SRPX2: variants seen among roughly 807,000 people sequenced by gnomAD.
SRPX2 encodes the protein sushi repeat containing protein X-linked 2.
Under a neutral mutation model 45.3 loss-of-function variants are expected in SRPX2, and 26 were observed. The ratio of observed to expected loss-of-function variants is 0.57; its 90% confidence interval spans 0.42 to 0.80. The LOEUF is 0.80. Ranked by LOEUF, SRPX2 falls within the 30% of genes least tolerant of loss-of-function variation. The pLI, the probability that SRPX2 is intolerant of heterozygous loss-of-function variation, is 0.00. For missense variants in SRPX2, 355 were observed against 399.8 expected (o/e 0.89, Z 0.95); for synonymous variants, 125 against 143.7 (o/e 0.87, Z 0.93).
intron 3 of SRPX2, among the ~76,000 whole-genome samples, chrX:100,651,788 C>CA (rs11362148): frequency 0.4 from 23,921 of 59,367 alleles, 4,109 homozygotes; most frequent in East Asian, 0.63. Context: ...GGCTCTGTCT[C>CA]AAAAAAAAAA....
intron 3 of SRPX2, among the ~76,000 whole-genome samples, chrX:100,653,957 A>G (rs1268540970): frequency 8.9e-6 from 1 of 112,121 alleles, no homozygotes; most frequent in Non-Finnish European, 1.9e-5. Context: ...TTTTAACTGT[A>G]TTTGTGTATT....
Position 100,672,865 on chromosome X carries a change from CAGAG to C in SRPX2, c.*1882_*1885del, listed in dbSNP as rs1245516840. Reference sequence around the variant, plus strand: ...AGAACAAATTGGGGGAGCAGTGAGTCAGAGAGAATCTCCTTCCACTGGGATTTTA... The same window carrying C: ...AGAACAAATTGGGGGAGCAGTGAGTCAGAATCTCCTTCCACTGGGATTTTA... On this transcript the variant is annotated 3_prime_UTR_variant, in exon 11 of 11. Coordinates refer to ENST00000373004, the MANE Select transcript of SRPX2 (RefSeq NM_014467.3). 8.9e-6 allele frequency: 1 copy of C among 111,922 alleles called. No individual in the cohort carries two copies. The highest frequency in any genetic ancestry group is 1.9e-5 in the Non-Finnish European group (1 of 53,232). The allele number at this position is 111,922 out of a possible 1,213,427, so 9.2% of individuals were successfully genotyped here. A position where few individuals can be genotyped will look rare whatever the true frequency, so the allele number is the denominator to read the frequency against.
chrX:100,665,335 T>C lies in SRPX2; in HGVS notation c.625T>C (p.Leu209=). ...TGCTCGAGTATACTGGGACCCACCG[T>C]TGGTGAAAGATTCTGCTGATGGTAC... ...LTARVYWDPP[L]VKDSADGTIT... is the part of the protein sequence containing the mutation. Residue 209 remains leucine, a synonymous_variant, in exon 6 of 11, where the codon TTG becomes CTG. Coordinates refer to ENST00000373004, the MANE Select transcript of SRPX2 (RefSeq NM_014467.3). 8.3e-7 allele frequency: 1 copy of C among 1,210,038 alleles called. No individual in the cohort carries two copies. Among genetic ancestry groups the C allele is most frequent in the Non-Finnish European group, 1.1e-6 (1 of 894,669 alleles).
chrX:100,674,694 T>C lies in SRPX2; in HGVS notation c.*3707T>C, dbSNP rs972129423. Reference sequence around the variant, plus strand: ...GGCTGCCCTTAATCCAGTGTGCTTATAGGAAATCAGTTAGCAGCTGACTCT... The same window carrying C: ...GGCTGCCCTTAATCCAGTGTGCTTACAGGAAATCAGTTAGCAGCTGACTCT... On this transcript the variant is annotated 3_prime_UTR_variant, in exon 11 of 11. Coordinates refer to ENST00000373004, the MANE Select transcript of SRPX2 (RefSeq NM_014467.3). The C allele has an allele frequency of 1.8e-5, 2 of 111,766 alleles. No individual in the cohort carries two copies. Among genetic ancestry groups the C allele is most frequent in the Non-Finnish European group, 3.8e-5 (2 of 53,202 alleles). 9.2% of individuals were successfully genotyped at this position (111,766 alleles called of 1,213,427 possible).
At chrX:100,665,431 G>T in intron 6 of SRPX2, 62 bp downstream of exon 6, 1 of 1,205,635 alleles carries the variant, frequency 8.3e-7, no homozygotes, top group Non-Finnish European at 1.1e-6. Context: ...CATTCAGGCT[G>T]GTCACATTGA....
At chrX:100,667,078 T>C in intron 8 of SRPX2, 145 bp downstream of exon 8, 1 of 984,118 alleles carries the variant, frequency 1.0e-6, no homozygotes, top group South Asian at 2.1e-5. Flanking sequence ...AGGCCAACAT[T>C]CCCCCGTAGA....
chrX:100,669,409 G>GCCCCCC, intron 10 of SRPX2, 40 bp downstream of exon 10: 1 of 275,766 alleles, frequency 3.6e-6, no homozygotes. Flanking sequence ...GGGAGGGGGG[G>GCCCCCC]CTGGGGCGGG....
chrX:100,662,368 G>T lies in SRPX2; in HGVS notation c.355+1G>T. ...TGGTCTGGAACTGCCTACTGCAGGCGTAAGTTGTGTGTGTGCATATGCTGA... is the reference window on the plus strand; with the variant it reads ...TGGTCTGGAACTGCCTACTGCAGGCTTAAGTTGTGTGTGTGCATATGCTGA... On this transcript the variant is annotated splice_donor_variant, in intron 4 of 10. Coordinates refer to ENST00000373004, the MANE Select transcript of SRPX2 (RefSeq NM_014467.3). LOFTEE classifies it high-confidence loss of function. The T allele has an allele frequency of 8.3e-7, 1 of 1,211,140 alleles. No homozygotes were observed. Among genetic ancestry groups the T allele is most frequent in the Non-Finnish European group, 1.1e-6 (1 of 895,520 alleles).
chrX:100,660,375 T>C (rs1312574072), intron 3 of SRPX2, among the ~76,000 whole-genome samples: 4 of 112,137 alleles, frequency 3.6e-5, no homozygotes, highest in Non-Finnish European at 5.6e-5. Context: ...TATGTCCCTA[T>C]ATTTTTGTTA....
At chrX:100,666,697 A>G in intron 7 of SRPX2, 57 bp from the exon 8 acceptor site, 1 of 1,200,791 alleles carries the variant, frequency 8.3e-7, no homozygotes, top group African/African-American at 1.7e-5. Flanking sequence ...GCACCCTCTT[A>G]GCCTTTCCTT....
chrX:100,660,541 C>A (rs1313732535), intron 3 of SRPX2, among the ~76,000 whole-genome samples: 2 of 112,008 alleles, frequency 1.8e-5, no homozygotes, highest in Non-Finnish European at 3.8e-5. Flanking sequence ...CATAGAAAGA[C>A]ATTTGAGGCT....
At position 100,675,070 on chromosome X, in the gene SRPX2, A is replaced by G. The variant is rs1316828991; in HGVS notation, c.*4083A>G. 1 of 112,405 alleles carries G rather than the reference A, an allele frequency of 8.9e-6. No homozygotes were observed. The highest frequency in any genetic ancestry group is 1.9e-5 in the Non-Finnish European group (1 of 53,329). The allele number at this position is 112,405 out of a possible 1,213,427, so 9.3% of individuals were successfully genotyped here. On this transcript the variant is annotated 3_prime_UTR_variant, in exon 11 of 11. Transcript: ENST00000373004. ...TGGTTGACACAGTGGGATGTAGACC[A>G]TGCTCTGTTTGATAACACACCCCAG...
rs1280392011 is a variant in SRPX2, at chrX:100,650,131, A to G, written c.83-654A>G. On this transcript the variant is annotated intron_variant, in intron 2 of 10. Coordinates refer to ENST00000373004, the MANE Select transcript of SRPX2 (RefSeq NM_014467.3). ...TTCCTTCTGATTAGAGAAACAGGAAATTTATCCGAAGGACTCTGCCTTCTC... is the reference window on the plus strand; with the variant it reads ...TTCCTTCTGATTAGAGAAACAGGAAGTTTATCCGAAGGACTCTGCCTTCTC... The G allele has an allele frequency of 2.6e-5, 3 of 113,484 alleles. No homozygotes were observed. The East Asian group carries it at 8.4e-4, about 32-fold the overall frequency. 9.4% of individuals were successfully genotyped at this position (113,484 alleles called of 1,213,427 possible). A position where few individuals can be genotyped will look rare whatever the true frequency, so the allele number is the denominator to read the frequency against.
At chrX:100,648,043 G>C (rs191705764) in intron 2 of SRPX2, among the ~76,000 whole-genome samples, 20 of 112,522 alleles carry the variant, frequency 1.8e-4, no homozygotes, top group African/African-American at 5.8e-4. Flanking sequence ...GACTCTTTAT[G>C]CATCCAGGAC....
At chrX:100,648,514 C>A (rs1348015443) in intron 2 of SRPX2, among the ~76,000 whole-genome samples, 1 of 111,228 alleles carries the variant, frequency 9.0e-6, no homozygotes, top group East Asian at 2.8e-4. Context: ...CCTTTAATTT[C>A]ATTCTTATAC....
chrX:100,660,860 G>T (rs962868817), intron 3 of SRPX2: 2 of 110,002 alleles, frequency 1.8e-5, no homozygotes, highest in Admixed American at 1.9e-4. Flanking sequence ...AAAAAGAAAA[G>T]AGAAGAAAGA....
intron 5 of SRPX2, 57 bp downstream of exon 5, chrX:100,665,007 C>T (rs1188265565): frequency 3.4e-6 from 4 of 1,170,030 alleles, no homozygotes; most frequent in Non-Finnish European, 3.5e-6. Context: ...AGCATTATAT[C>T]GACAAAAGAT....
intron 3 of SRPX2, among the ~76,000 whole-genome samples, chrX:100,657,218 A>G (rs1218879667): frequency 9.3e-6 from 1 of 107,679 alleles, no homozygotes; most frequent in Non-Finnish European, 1.9e-5. Context: ...GTGAGCCACC[A>G]CGCCTGGCTA....
At chrX:100,647,231 G>T (rs1337945562) in intron 2 of SRPX2, among the ~76,000 whole-genome samples, 1 of 112,094 alleles carries the variant, frequency 8.9e-6, no homozygotes, top group African/African-American at 3.2e-5. Flanking sequence ...GAGTAGTGGG[G>T]GAAGGAGACA....
Sources: allele counts gnomAD v4.1 joint callset (sites outside exome capture counted in the v4.1 genomes callset), GRCh38; gene constraint gnomAD v4.1.1; transcripts MANE v1.5; gene names NCBI Gene and HGNC (gene_info 2026-07-23, HGNC 2026-07-21).